EPHA6: variants seen among roughly 807,000 people sequenced by gnomAD.
EPHA6 encodes ephrin type-A receptor 6.
A neutral mutation model predicts 112.0 loss-of-function variants in EPHA6; 50 were observed. The ratio of observed to expected loss-of-function variants is 0.45; its 90% CI spans 0.36 to 0.56. EPHA6 has a LOEUF of 0.56. Among genes scored for constraint, EPHA6 ranks in the 20% least tolerant of loss-of-function variants. EPHA6 has a pLI of 0.00. For synonymous variants in EPHA6, 529 were observed against 490.7 expected (o/e 1.08, Z -1.03); for missense variants, 1,280 against 1,417.4 (o/e 0.90, Z 1.56).
chr3:97,663,731 T>C (rs1326503724), intron 14 of EPHA6, among the ~76,000 whole-genome samples: 1 of 152,206 alleles, frequency 6.6e-6, no homozygotes, highest in African/African-American at 2.4e-5. Flanking sequence ...ATCCAGTCTA[T>C]CATTGCTGGA....
intron 3 of EPHA6, among the ~76,000 whole-genome samples, chr3:97,197,132 G>A (rs73133020): frequency 0.018 from 2,736 of 152,120 alleles, 25 homozygotes; most frequent in Middle Eastern, 0.034. Flanking sequence ...TTGGAATCAG[G>A]AACCCCAGGA....
At chr3:97,146,263 T>C (rs2076041358) in intron 3 of EPHA6, among the ~76,000 whole-genome samples, 1 of 151,894 alleles carries the variant, frequency 6.6e-6, no homozygotes, top group Non-Finnish European at 1.5e-5. Context: ...TGACATTCTT[T>C]CTTAGTGTAG....
intron 14 of EPHA6, among the ~76,000 whole-genome samples, chr3:97,653,796 C>A (rs372783220): frequency 6.6e-6 from 1 of 151,742 alleles, no homozygotes; most frequent in African/African-American, 2.4e-5. Flanking sequence ...ATGTGGTGTG[C>A]GAATTATCAT....
intron 13 of EPHA6, among the ~76,000 whole-genome samples, chr3:97,619,062 C>T (rs371210898): frequency 3.4e-4 from 51 of 152,202 alleles, no homozygotes; most frequent in African/African-American, 1.2e-3. Context: ...AGCTTATCCA[C>T]CATGATCAAG....
At chr3:97,238,496 T>A (rs1468038518) in intron 4 of EPHA6, among the ~76,000 whole-genome samples, 1 of 151,976 alleles carries the variant, frequency 6.6e-6, no homozygotes, top group Admixed American at 6.6e-5. Context: ...CTTGTGCCTA[T>A]GAAAAAAATT....
intron 1 of EPHA6, among the ~76,000 whole-genome samples, chr3:96,828,217 G>A (rs2033792765): frequency 1.3e-5 from 2 of 152,030 alleles, no homozygotes; most frequent in African/African-American, 4.8e-5. Context: ...CTAAACTTTT[G>A]CCCTATCCTT....
At chr3:97,387,487 C>T (rs1273059370) in intron 5 of EPHA6, among the ~76,000 whole-genome samples, 1 of 152,086 alleles carries the variant, frequency 6.6e-6, no homozygotes, top group Non-Finnish European at 1.5e-5. Flanking sequence ...CTGCAATTCT[C>T]TTTGCCAAAG....
intron 2 of EPHA6, among the ~76,000 whole-genome samples, chr3:96,931,648 T>C (rs541183476): frequency 2.6e-5 from 4 of 152,374 alleles, no homozygotes; most frequent in South Asian, 4.1e-4. Context: ...CTGGAATGGC[T>C]GAGTCAACAG....
intron 14 of EPHA6, among the ~76,000 whole-genome samples, chr3:97,690,072 G>A (rs1460907244): frequency 6.6e-6 from 1 of 152,112 alleles, no homozygotes; most frequent in Non-Finnish European, 1.5e-5. Context: ...TGGCTGTTAT[G>A]GATAATTTTG....
chr3:96,824,677 A>G (rs1478491684), intron 1 of EPHA6, among the ~76,000 whole-genome samples: 1 of 152,074 alleles, frequency 6.6e-6, no homozygotes, highest in African/African-American at 2.4e-5. Flanking sequence ...ATTTTTAAAT[A>G]TCAAAGTTAC....
chr3:97,212,108 G>C (rs2077893113), intron 3 of EPHA6, among the ~76,000 whole-genome samples: 1 of 151,974 alleles, frequency 6.6e-6, no homozygotes, highest in Admixed American at 6.6e-5. Context: ...TGAAAGAAAA[G>C]ATGACAAACT....
At chr3:97,711,178 T>A (rs934775009) in intron 14 of EPHA6, among the ~76,000 whole-genome samples, 7 of 151,664 alleles carry the variant, frequency 4.6e-5, no homozygotes, top group Non-Finnish European at 8.8e-5. Context: ...AAAATGGGAG[T>A]TTCCCTTCAC....
chr3:97,278,632 A>G (rs2108657627), intron 5 of EPHA6, among the ~76,000 whole-genome samples: 1 of 152,294 alleles, frequency 6.6e-6, no homozygotes, highest in South Asian at 2.1e-4. Flanking sequence ...AAGTCTATAC[A>G]CTCTGTCCAC....
chr3:97,404,387 AT>A (rs1470393853), intron 5 of EPHA6, among the ~76,000 whole-genome samples: 1 of 151,880 alleles, frequency 6.6e-6, no homozygotes, highest in Non-Finnish European at 1.5e-5. Context: ...TTTGGATTTT[AT>A]TTTTTCTGAA....
intron 3 of EPHA6, among the ~76,000 whole-genome samples, chr3:97,091,102 A>C (rs932579938): frequency 2.0e-5 from 3 of 152,112 alleles, no homozygotes; most frequent in African/African-American, 7.2e-5. Context: ...CCATTTTCCC[A>C]GGACAACAGG....
chr3:97,186,623 G>A (rs2077146571), intron 3 of EPHA6, among the ~76,000 whole-genome samples: 1 of 152,106 alleles, frequency 6.6e-6, no homozygotes. Flanking sequence ...CCTTGAATTA[G>A]TTTGTCAACC....
chr3:97,385,612 T>C (rs1412884843), intron 5 of EPHA6, among the ~76,000 whole-genome samples: 2 of 152,100 alleles, frequency 1.3e-5, no homozygotes, highest in African/African-American at 4.8e-5. Flanking sequence ...TTTATCTAAG[T>C]GTGTTAGTCC....
At chr3:97,387,438 G>A (rs1577196315) in intron 5 of EPHA6, among the ~76,000 whole-genome samples, 1 of 150,864 alleles carries the variant, frequency 6.6e-6, no homozygotes. Context: ...TTTCTCTCAA[G>A]ATCAAAGTTC....
At chr3:97,724,331 G>GA (rs2034659118) in intron 15 of EPHA6, among the ~76,000 whole-genome samples, 1 of 151,774 alleles carries the variant, frequency 6.6e-6, no homozygotes, top group African/African-American at 2.4e-5. Flanking sequence ...AAGGAAATGA[G>GA]AAAAAAAGAG....
Sources: gnomAD v4.1 joint callset for allele counts (sites outside exome capture counted in the v4.1 genomes callset) on GRCh38, gnomAD v4.1.1 for gene constraint, MANE v1.5 for transcripts, NCBI Gene and HGNC (gene_info 2026-07-23, HGNC 2026-07-21) for gene names.